APOO: variants seen among roughly 807,000 people sequenced by gnomAD.
The protein encoded by APOO is MICOS complex subunit MIC26.
APOO carries 11 observed loss-of-function variants against 23.1 expected under a neutral mutation model. The ratio of observed to expected loss-of-function variants is 0.48; its 90% CI spans 0.30 to 0.79. The LOEUF is 0.79. APOO is among the 30% of genes least tolerant of loss of function. The pLI is 0.07. For missense variants in APOO, 160 were observed against 142.7 expected (o/e 1.12, Z -0.62); for synonymous variants, 59 against 54.8 (o/e 1.08, Z -0.34).
intron 1 of APOO, among the ~76,000 whole-genome samples, chrX:23,892,169 C>T (rs986412346): frequency 8.2e-5 from 9 of 109,691 alleles, no homozygotes; most frequent in African/African-American, 2.7e-4. Flanking sequence ...AGACAACCTC[C>T]GTGCCCCTGG....
At chrX:23,898,017 C>G (rs1363708887) in intron 1 of APOO, among the ~76,000 whole-genome samples, 3 of 105,376 alleles carry the variant, frequency 2.8e-5, no homozygotes, top group Non-Finnish European at 5.8e-5. Context: ...AAAAATCTAT[C>G]TAGACACAGG....
intron 1 of APOO, among the ~76,000 whole-genome samples, chrX:23,894,055 A>T (rs1001786539): frequency 6.3e-5 from 7 of 111,663 alleles, no homozygotes; most frequent in African/African-American, 2.3e-4. Context: ...TTTTCAAAGC[A>T]GTTACCTTGA....
intron 1 of APOO, among the ~76,000 whole-genome samples, chrX:23,903,018 T>C (rs1308404578): frequency 8.9e-6 from 1 of 111,930 alleles, no homozygotes; most frequent in African/African-American, 3.2e-5. Context: ...CATCTACCGA[T>C]TGGCTTCAAT....
At chrX:23,869,678 G>A (rs1925513730) in intron 4 of APOO, among the ~76,000 whole-genome samples, 1 of 104,195 alleles carries the variant, frequency 9.6e-6, no homozygotes, top group African/African-American at 3.5e-5. Flanking sequence ...AAGGCCAGGT[G>A]CGGTGGCTCA....
intron 7 of APOO, among the ~76,000 whole-genome samples, chrX:23,849,439 T>C (rs973737984): frequency 9.2e-6 from 1 of 108,194 alleles, no homozygotes; most frequent in African/African-American, 3.4e-5. Context: ...GAGAACACGT[T>C]AAACTATAGC....
Position 23,847,336 on chromosome X carries a change from C to T in APOO, c.562-6959G>A, listed in dbSNP as rs190301339. ...TTAATTTATTTATTATTTTAAGAAA[C>T]AGGGTCTTGGCCAGGCGCAGCGGCT... On this transcript the variant is annotated intron_variant, in intron 7 of 8. Transcript: ENST00000379226. 3.6e-5 allele frequency among the ~76,000 whole-genome samples: 4 copies of T among 111,455 alleles called. No individual in the cohort carries two copies. In the Admixed American group the frequency reaches 3.8e-4, roughly 11 times the overall value.
At chrX:23,855,446 T>C (rs1924740114) in intron 7 of APOO, among the ~76,000 whole-genome samples, 1 of 112,080 alleles carries the variant, frequency 8.9e-6, no homozygotes, top group African/African-American at 3.2e-5. Flanking sequence ...GTTATTTATA[T>C]GTATTTTTTT....
rs942201710 is a variant in APOO at position 23,904,263 on chromosome X, C to A, written c.9+3431G>T. On this transcript the variant is annotated intron_variant, in intron 1 of 8. Coordinates refer to ENST00000379226, the MANE Select transcript of APOO (RefSeq NM_024122.5). ...TTAAGTGACGCCACCCTGGGTTGAT[C>A]CTGTTTAGTCTAAGCCAATCAGATC... Among the ~76,000 whole-genome samples the A allele has an allele frequency of 6.3e-5, 7 of 110,941 alleles. No homozygotes were observed. The Admixed American group carries it at 6.8e-4, about 11-fold the overall frequency.
chrX:23,843,007 TCAAAAACAAA>T (rs1164534648), intron 7 of APOO, among the ~76,000 whole-genome samples: 6 of 111,220 alleles, frequency 5.4e-5, no homozygotes, highest in African/African-American at 2.0e-4. Context: ...AAACTCCATC[TCAAAAACAAA>T]CAAAAACAAA....
At position 23,907,761 on chromosome X, in the gene APOO, A is replaced by G. The variant is rs1927439125; in HGVS notation, c.-59T>C. The stretch of plus-strand genomic sequence containing the variant: ...CCGGCCTCGGCCACGCCCACTATAG[A>G]GAGGTGACTACGGAGGCCCGGTAGG... On this transcript the variant is annotated 5_prime_UTR_variant, in exon 1 of 9. Coordinates refer to ENST00000379226, the MANE Select transcript of APOO (RefSeq NM_024122.5). The G allele has an allele frequency of 8.9e-7, 1 of 1,128,573 alleles. No homozygotes were observed. The highest frequency in any genetic ancestry group is 1.2e-6 in the Non-Finnish European group (1 of 851,836). The allele number at this position is 1,128,573 out of a possible 1,213,427, so 93.0% of individuals were successfully genotyped here. A position where few individuals can be genotyped will look rare whatever the true frequency, so the allele number is the denominator to read the frequency against.
intron 1 of APOO, among the ~76,000 whole-genome samples, chrX:23,890,717 G>C (rs1026494208): frequency 3.6e-5 from 4 of 111,919 alleles, no homozygotes; most frequent in Non-Finnish European, 7.5e-5. Context: ...GCTACTGGAA[G>C]TGTTCTGAGT....
In APOO at chrX:23,868,073, C is replaced by T. The variant is rs1925425463; in HGVS notation, c.388+520G>A. Among the ~76,000 whole-genome samples, 4 of 112,301 alleles carry T rather than the reference C, an allele frequency of 3.6e-5. No individual in the cohort carries two copies. In the South Asian group the frequency reaches 1.5e-3, roughly 41 times the overall value. On this transcript the variant is annotated intron_variant, in intron 5 of 8. Transcript: ENST00000379226. ...TGATAACAAATTCATCTCATCATAG[C>T]AAAGTATTTTATTAGCCTTTATTTC...
At chrX:23,903,731 G>A (rs1344495527) in intron 1 of APOO, among the ~76,000 whole-genome samples, 3 of 111,250 alleles carry the variant, frequency 2.7e-5, no homozygotes, top group Admixed American at 9.6e-5. Context: ...AGTTAAAAAC[G>A]AAAAAAGAAA....
chrX:23,899,787 T>C (rs1049585359), intron 1 of APOO, among the ~76,000 whole-genome samples: 13 of 112,690 alleles, frequency 1.2e-4, no homozygotes, highest in Non-Finnish European at 1.5e-4. Flanking sequence ...CAAACAAATA[T>C]GCAAGTTCGT....
chrX:23,859,147 G>A (rs1924906023), intron 5 of APOO, among the ~76,000 whole-genome samples: 1 of 111,244 alleles, frequency 9.0e-6, no homozygotes, highest in Non-Finnish European at 1.9e-5. Context: ...CCCCACCACT[G>A]AATAAGATTT....
At chrX:23,907,361 G>A in intron 1 of APOO, among the ~76,000 whole-genome samples, 1 of 111,919 alleles carries the variant, frequency 8.9e-6, no homozygotes, top group Admixed American at 9.4e-5. Context: ...CCCTGAGCTG[G>A]CCTCACCCTA....
At position 23,834,855 on chromosome X, in the gene APOO, G is replaced by T. The variant is rs752343119; in HGVS notation, c.*30-1243C>A. On this transcript the variant is annotated intron_variant, in intron 8 of 8. Transcript: ENST00000379226. Reference sequence around the variant, plus strand: ...TTCTGCCTCAGCCTCCCAAGTAGCTGGGATTACAGGTGCCCGCCACCACAC... The same window carrying T: ...TTCTGCCTCAGCCTCCCAAGTAGCTTGGATTACAGGTGCCCGCCACCACAC... Among the ~76,000 whole-genome samples the T allele has an allele frequency of 3.7e-5, 4 of 107,693 alleles. No homozygotes were observed. In the South Asian group the frequency reaches 1.6e-3, roughly 44 times the overall value. The allele number at this position is 107,693 out of a possible 115,157, so 93.5% of individuals were successfully genotyped here. A position where few individuals can be genotyped will look rare whatever the true frequency, so the allele number is the denominator to read the frequency against.
chrX:23,856,307 G>C lies in APOO; in HGVS notation c.556C>G (p.Gln186Glu), dbSNP rs772988801. 8 of 1,208,224 alleles carry C rather than the reference G, an allele frequency of 6.6e-6. No individual in the cohort carries two copies. The highest frequency in any genetic ancestry group is 9.0e-6 in the Non-Finnish European group (8 of 893,300). Residue 186 changes from glutamine to glutamate, a missense_variant, in exon 7 of 9, where the codon CAA becomes GAA. By Grantham distance (29) the Gln-to-Glu change is conservative. Coordinates refer to ENST00000379226, the MANE Select transcript of APOO (RefSeq NM_024122.5). ...VIEDLWKENFQKPGNVKNSPG... is the reference protein window; with the variant it reads ...VIEDLWKENFEKPGNVKNSPG... ...ATGAAAAAGATGCTCCTCACCTTTT[G>C]AAAGTTCTCCTTCCACAAATCTTCT...
intron 1 of APOO, among the ~76,000 whole-genome samples, chrX:23,885,709 T>C (rs2147029320): frequency 9.0e-6 from 1 of 111,082 alleles, no homozygotes; most frequent in Admixed American, 9.7e-5. Flanking sequence ...GCCTAAACTG[T>C]TTTCTTCTTC....
Sources: gnomAD v4.1 joint callset for allele counts (sites outside exome capture counted in the v4.1 genomes callset) on GRCh38, gnomAD v4.1.1 for gene constraint, MANE v1.5 for transcripts, NCBI Gene and HGNC (gene_info 2026-07-23, HGNC 2026-07-21) for gene names.